The following CHL1 variants were observed in gnomAD, a reference collection of about 807,000 sequenced individuals.
CHL1 encodes cell adhesion molecule L1 like.
CHL1 carries 96 observed loss-of-function variants against 141.9 expected under a neutral mutation model. That is an observed-to-expected ratio of 0.68 (90% CI 0.57 to 0.80). The LOEUF (loss-of-function observed/expected upper bound fraction) is 0.80, where lower values mean the gene tolerates loss of function less well. Among genes scored for constraint, CHL1 ranks in the 30% least tolerant of loss-of-function variants. CHL1 has a pLI of 0.00. For missense variants in CHL1, 1,820 were observed against 1,457.2 expected, an observed-to-expected ratio of 1.25 and a Z score of -4.05; for synonymous variants, 613 against 502.2, an observed-to-expected ratio of 1.22 and a Z score of -2.95.
intron 2 of CHL1, among the ~76,000 whole-genome samples, chr3:311,064 C>G (rs560409962): frequency 2.0e-5 from 3 of 152,264 alleles, no homozygotes; most frequent in African/African-American, 7.2e-5. Flanking sequence ...TAGCTCATTT[C>G]TTTTTACCAC....
At chr3:348,544 G>T (rs1702959611) in intron 9 of CHL1, among the ~76,000 whole-genome samples, 1 of 152,072 alleles carries the variant, frequency 6.6e-6, no homozygotes, top group Non-Finnish European at 1.5e-5. Context: ...TCATGAGGAG[G>T]GGTTTTTCTT....
At position 389,274 on chromosome 3, in the gene CHL1, A is replaced by G. The variant is rs1708031673; in HGVS notation, c.2270A>G (p.Asn757Ser). The change falls in exon 20 of 28, where the codon AAT becomes AGT. Residue 757 changes from asparagine (N) to serine (S), a missense_variant. Transcript: ENST00000256509. ...TAGCCTTTGAAATCCATGGAGCAGAATGGACCAGGCCTAGAGTACAGAGTG... is the reference window on the plus strand; with the variant it reads ...TAGCCTTTGAAATCCATGGAGCAGAGTGGACCAGGCCTAGAGTACAGAGTG... The part of the protein sequence containing the change: ...KWEPLKSMEQ[N>S]GPGLEYRVTW... 4 of 1,611,448 alleles carry G rather than the reference A, an allele frequency of 2.5e-6. No individual in the cohort carries two copies. In the African/African-American group the frequency reaches 5.3e-5, roughly 21 times the overall value.
intron 10 of CHL1, among the ~76,000 whole-genome samples, chr3:352,555 T>C (rs1472291149): frequency 3.3e-5 from 5 of 152,136 alleles, no homozygotes; most frequent in Non-Finnish European, 7.3e-5. Context: ...CTTAGGATAA[T>C]AGATAAAAGA....
intron 2 of CHL1, among the ~76,000 whole-genome samples, chr3:312,231 A>T (rs185824406): frequency 1.3e-5 from 2 of 152,332 alleles, no homozygotes; most frequent in African/African-American, 4.8e-5. Context: ...GCTTATAATA[A>T]CATCGACATT....
chr3:394,110 T>A (rs1351842894), intron 23 of CHL1, among the ~76,000 whole-genome samples: 1 of 152,210 alleles, frequency 6.6e-6, no homozygotes, highest in Non-Finnish European at 1.5e-5. Context: ...TCTATCTGAT[T>A]CAGCTTTTTA....
At chr3:285,564 G>C (rs1161076456) in intron 2 of CHL1, among the ~76,000 whole-genome samples, 1 of 152,178 alleles carries the variant, frequency 6.6e-6, no homozygotes, top group African/African-American at 2.4e-5. Flanking sequence ...CTGGGCTCCA[G>C]AGAAGAAGCC....
Position 408,537 on chromosome 3 carries a change from A to G in CHL1, c.*2826A>G, listed in dbSNP as rs1451182534. On this transcript the variant is annotated 3_prime_UTR_variant, in exon 28 of 28. Coordinates refer to ENST00000256509, the MANE Select transcript of CHL1 (RefSeq NM_006614.4). ...CTTTTTTATGAAGAAAAATTTGAAA[A>G]TGATAAAAGCTAAGATGCCTTCTAA... 2 of 152,130 alleles carry G rather than the reference A, an allele frequency of 1.3e-5. No homozygotes were observed. The highest frequency in any genetic ancestry group is 6.6e-5 in the Admixed American group (1 of 15,250). 9.4% of individuals were successfully genotyped at this position (152,130 alleles called of 1,614,324 possible).
At chr3:374,403 C>T (rs888449079) in intron 15 of CHL1, among the ~76,000 whole-genome samples, 19 of 152,180 alleles carry the variant, frequency 1.2e-4, no homozygotes, top group African/African-American at 4.6e-4. Flanking sequence ...TTTGTTACTA[C>T]TGCCTGACTA....
intron 5 of CHL1, among the ~76,000 whole-genome samples, chr3:331,091 T>A (rs1421811441): frequency 6.6e-6 from 1 of 152,188 alleles, no homozygotes; most frequent in East Asian, 1.9e-4. Flanking sequence ...GATAAAAGGC[T>A]GAACAGTGAA....
chr3:219,373 T>G (rs11707410), intron 1 of CHL1, among the ~76,000 whole-genome samples: 124,397 of 152,054 alleles, frequency 0.82, 51,379 homozygotes, highest in Middle Eastern at 0.91. Context: ...AAAGACACAT[T>G]CATATGTATG....
intron 1 of CHL1, among the ~76,000 whole-genome samples, chr3:212,225 T>C (rs1018075317): frequency 6.6e-6 from 1 of 152,148 alleles, no homozygotes; most frequent in Non-Finnish European, 1.5e-5. Flanking sequence ...TGTTGGGGGT[T>C]CTGGAACCCA....
At chr3:370,400 T>A (rs765042482) in intron 15 of CHL1, among the ~76,000 whole-genome samples, 9 of 152,192 alleles carry the variant, frequency 5.9e-5, no homozygotes, top group Non-Finnish European at 1.0e-4. Context: ...GTTTATAGTA[T>A]TCTTTGATGG....
Position 394,760 on chromosome 3 carries a change from G to C in CHL1, c.2982G>C (p.Trp994Cys), listed in dbSNP as rs769027703. 6.2e-7 allele frequency: 1 copy of C among 1,613,700 alleles called. No individual in the cohort carries two copies. Among genetic ancestry groups the C allele is most frequent in the South Asian group, 1.1e-5 (1 of 91,064 alleles). ...INITTPSKPS[W>C]HLSNLNATTK... is the part of the protein sequence containing the mutation. ...TTACAACTCCATCAAAGCCCAGCTG[G>C]CACCTCTCAAACCTGAATGCAACTA... The change falls in exon 24 of 28, where the codon TGG becomes TGC. Residue 994 changes from tryptophan (W) to cysteine (C), a missense_variant. Physicochemically the swap from Trp to Cys is radical, Grantham distance 215 (BLOSUM62 -2). Coordinates refer to ENST00000256509, the MANE Select transcript of CHL1 (RefSeq NM_006614.4).
At chr3:238,918 A>G (rs1692267201) in intron 1 of CHL1, among the ~76,000 whole-genome samples, 1 of 151,862 alleles carries the variant, frequency 6.6e-6, no homozygotes, top group African/African-American at 2.4e-5. Flanking sequence ...GGGTGACAAG[A>G]GCAAGACTTC....
In CHL1 at chr3:360,171, G is replaced by T. The variant is rs112882243; in HGVS notation, c.1166-113G>T. 999 of 1,151,356 alleles carry T rather than the reference G, an allele frequency of 8.7e-4. 5 individuals are homozygous for T. The African/African-American group carries it at 0.015, about 17-fold the overall frequency. The allele number at this position is 1,151,356 out of a possible 1,614,324, so 71.3% of individuals were successfully genotyped here. On this transcript the variant is annotated intron_variant, in intron 11 of 27. Coordinates refer to ENST00000256509, the MANE Select transcript of CHL1 (RefSeq NM_006614.4). Reference sequence around the variant, plus strand: ...AAGAATTGGCTTCAATGAACTATTAGTCACCCTAAACTGGTTTGAAAATAT... The same window carrying T: ...AAGAATTGGCTTCAATGAACTATTATTCACCCTAAACTGGTTTGAAAATAT...
chr3:236,995 C>T (rs577463787), intron 1 of CHL1, among the ~76,000 whole-genome samples: 2 of 152,244 alleles, frequency 1.3e-5, no homozygotes, highest in African/African-American at 4.8e-5. Context: ...GGGAGTGTTA[C>T]TGACATAGCA....
Position 407,366 on chromosome 3 carries a change from T to G in CHL1, c.*1655T>G, listed in dbSNP as rs1709593533. 2 of 152,116 alleles carry G rather than the reference T, an allele frequency of 1.3e-5. No homozygotes were observed. The highest frequency in any genetic ancestry group is 2.9e-5 in the Non-Finnish European group (2 of 68,020). The allele number at this position is 152,116 out of a possible 1,614,324, so 9.4% of individuals were successfully genotyped here. A position where few individuals can be genotyped will look rare whatever the true frequency, so the allele number is the denominator to read the frequency against. ...CAGGAATGCACATGGAATATCTACT[T>G]GTCCTTTTGAACCTCACGAGTCATC... On this transcript the variant is annotated 3_prime_UTR_variant, in exon 28 of 28. Transcript: ENST00000256509.
intron 2 of CHL1, among the ~76,000 whole-genome samples, chr3:269,607 C>T (rs527914276): frequency 6.6e-6 from 1 of 152,256 alleles, no homozygotes; most frequent in African/African-American, 2.4e-5. Flanking sequence ...CTCAGTGCAA[C>T]CTCTGCCTCC....
intron 2 of CHL1, among the ~76,000 whole-genome samples, chr3:284,818 C>T (rs1696987243): frequency 6.6e-6 from 1 of 151,194 alleles, no homozygotes. Flanking sequence ...ATTAATCAGA[C>T]CTTGGGATAA....
Sources: gnomAD v4.1 joint callset for allele counts (sites outside exome capture counted in the v4.1 genomes callset) on GRCh38, gnomAD v4.1.1 for gene constraint, MANE v1.5 for transcripts, NCBI Gene and HGNC (gene_info 2026-07-23, HGNC 2026-07-21) for gene names.